RHOBTB3: variants seen among roughly 807,000 people sequenced by gnomAD.
RHOBTB3 encodes Rho related BTB domain containing 3, also known as rho-related BTB domain-containing protein 3.
Under a neutral mutation model 67.2 loss-of-function variants are expected in RHOBTB3, and 47 were observed. The observed-to-expected ratio is 0.70, with a 90% CI of 0.55 to 0.89. The LOEUF is 0.89. Among genes scored for constraint, RHOBTB3 ranks in the 40% least tolerant of loss-of-function variants. The pLI is 0.00. For missense variants in RHOBTB3, 631 were observed against 750.0 expected, an observed-to-expected ratio of 0.84 and a Z score of 1.85; for synonymous variants, 273 against 274.2, an observed-to-expected ratio of 1.00 and a Z score of 0.04.
In RHOBTB3 at chr5:95,752,238, G is replaced by A. The variant is rs1745111715; in HGVS notation, c.571-1G>A. On this transcript the variant is annotated splice_acceptor_variant, in intron 4 of 11. Coordinates refer to ENST00000379982, the MANE Select transcript of RHOBTB3 (RefSeq NM_014899.4). LOFTEE classifies it high-confidence loss of function. The stretch of plus-strand genomic sequence containing the variant: ...CAATTAAAATTTGATTCCTGTTTTA[G>A]TTGGAGTATTTTATGATTCAAGCCT... 6.6e-7 allele frequency: 1 copy of A among 1,516,394 alleles called. No homozygotes were observed. Among genetic ancestry groups the A allele is most frequent in the Non-Finnish European group, 9.0e-7 (1 of 1,108,412 alleles). The allele number at this position is 1,516,394 out of a possible 1,614,324, so 93.9% of individuals were successfully genotyped here. A position where few individuals can be genotyped will look rare whatever the true frequency, so the allele number is the denominator to read the frequency against.
At chr5:95,789,700 G>GA (rs1746320399) in intron 11 of RHOBTB3, 1 of 152,144 alleles carries the variant, frequency 6.6e-6, no homozygotes. Flanking sequence ...AGGAGAGAGA[G>GA]AGGGAGTAAG....
intron 8 of RHOBTB3, among the ~76,000 whole-genome samples, chr5:95,768,420 G>A (rs887289786): frequency 3.3e-5 from 5 of 152,102 alleles, no homozygotes; most frequent in Non-Finnish European, 7.4e-5. Flanking sequence ...TTAGGGCCTA[G>A]CAAGGGATGG....
chr5:95,793,261 A>T lies in RHOBTB3; in HGVS notation c.*87A>T, dbSNP rs1746473178. On this transcript the variant is annotated 3_prime_UTR_variant, in exon 12 of 12. Coordinates refer to ENST00000379982, the MANE Select transcript of RHOBTB3 (RefSeq NM_014899.4). ...TTCCAGTAAAATTCTTCTGACCGAA[A>T]CCAATGTGGGTGTTAGAAAAATTAC... The T allele has an allele frequency of 2.4e-6, 2 of 820,542 alleles. No homozygotes were observed. The highest frequency in any genetic ancestry group is 2.7e-5 in the Admixed American group (1 of 36,992). The allele number at this position is 820,542 out of a possible 1,614,324, so 50.8% of individuals were successfully genotyped here.
chr5:95,792,449 G>GA (rs566135868), intron 11 of RHOBTB3, among the ~76,000 whole-genome samples: 93 of 142,706 alleles, frequency 6.5e-4, no homozygotes, highest in African/African-American at 1.1e-3. Flanking sequence ...ATTATAAATG[G>GA]AAAAAAAAAA....
intron 1 of RHOBTB3, among the ~76,000 whole-genome samples, chr5:95,720,907 T>C (rs2112745826): frequency 6.6e-6 from 1 of 152,356 alleles, no homozygotes; most frequent in East Asian, 1.9e-4. Context: ...TTTGTTGCCA[T>C]ATTTTACCGA....
At chr5:95,752,821 G>T (rs1021212211) in intron 5 of RHOBTB3, among the ~76,000 whole-genome samples, 14 of 152,122 alleles carry the variant, frequency 9.2e-5, no homozygotes, top group Non-Finnish European at 4.4e-5. Context: ...GAATGTTCCT[G>T]TTCCCAGGAG....
intron 1 of RHOBTB3, among the ~76,000 whole-genome samples, chr5:95,721,213 G>A (rs1319530019): frequency 6.6e-6 from 1 of 152,186 alleles, no homozygotes; most frequent in Non-Finnish European, 1.5e-5. Context: ...CTTTTTTCAG[G>A]TATCTCTAAC....
chr5:95,746,350 A>G (rs1416063448), intron 3 of RHOBTB3, among the ~76,000 whole-genome samples: 1 of 152,074 alleles, frequency 6.6e-6, no homozygotes, highest in African/African-American at 2.4e-5. Flanking sequence ...TGATCTGGCT[A>G]CCCACTCCAT....
At chr5:95,718,609 G>A (rs1183664779) in intron 1 of RHOBTB3, among the ~76,000 whole-genome samples, 1 of 152,202 alleles carries the variant, frequency 6.6e-6, no homozygotes, top group Admixed American at 6.5e-5. Flanking sequence ...ATTGAAGTTG[G>A]AGGCCATGAA....
chr5:95,777,581 A>G (rs1745926321), intron 8 of RHOBTB3, among the ~76,000 whole-genome samples: 1 of 152,230 alleles, frequency 6.6e-6, no homozygotes, highest in Non-Finnish European at 1.5e-5. Flanking sequence ...CTTTACCTGT[A>G]TCCTATTGCC....
In RHOBTB3 at chr5:95,739,320, G is replaced by T. The variant is rs552895596; in HGVS notation, c.415+2245G>T. 4.1e-4 allele frequency among the ~76,000 whole-genome samples: 62 copies of T among 152,114 alleles called. 1 individual carries two copies. Among genetic ancestry groups the T allele is most frequent in the African/African-American group, 1.4e-3 (60 of 41,494 alleles). On this transcript the variant is annotated intron_variant, in intron 3 of 11. Coordinates refer to ENST00000379982, the MANE Select transcript of RHOBTB3 (RefSeq NM_014899.4). The stretch of plus-strand genomic sequence containing the variant: ...TTTCTCTTCATCTCCATTGGATTTC[G>T]CATTCTAGTCATTTAGTTATTTGTC...
In RHOBTB3 at chr5:95,748,348, C is replaced by A. The variant is rs200242583; in HGVS notation, c.431C>A (p.Thr144Lys). The A allele has an allele frequency of 6.7e-5, 107 of 1,605,336 alleles. No homozygotes were observed. In the Middle Eastern group the frequency reaches 1.5e-3, roughly 22 times the overall value. ...GTRQNEELPC[T>K]CPLCTSDRGS... Reference sequence around the variant, plus strand: ...GTTTTCTCAGAAGAGTTACCTTGTACATGCCCACTATGTACCTCAGACAGA... The same window carrying A: ...GTTTTCTCAGAAGAGTTACCTTGTAAATGCCCACTATGTACCTCAGACAGA... Residue 144 changes from threonine (T) to lysine (K), a missense_variant, in exon 4 of 12, where the codon ACA becomes AAA. Transcript: ENST00000379982.
At chr5:95,740,834 T>C (rs1755574707) in intron 3 of RHOBTB3, among the ~76,000 whole-genome samples, 1 of 152,132 alleles carries the variant, frequency 6.6e-6, no homozygotes, top group Admixed American at 6.5e-5. Context: ...AATAAGACAT[T>C]GAACCCTAGA....
intron 8 of RHOBTB3, among the ~76,000 whole-genome samples, chr5:95,772,602 T>TTG (rs1745749544): frequency 6.6e-6 from 1 of 152,186 alleles, no homozygotes; most frequent in Non-Finnish European, 1.5e-5. Flanking sequence ...ATCTCATTCT[T>TTG]TGTGTGTGTG....
At position 95,747,812 on chromosome 5, in the gene RHOBTB3, A is replaced by G. The variant is rs563911782; in HGVS notation, c.416-521A>G. Reference sequence around the variant, plus strand: ...CTGAATTAATAGGAATGTACTTCCTATGAAGTTTACAAAGAGAGTGACAAT... The same window carrying G: ...CTGAATTAATAGGAATGTACTTCCTGTGAAGTTTACAAAGAGAGTGACAAT... On this transcript the variant is annotated intron_variant, in intron 3 of 11. Transcript: ENST00000379982. Among the ~76,000 whole-genome samples, 7 of 152,372 alleles carry G rather than the reference A, an allele frequency of 4.6e-5. No individual in the cohort carries two copies. The East Asian group carries it at 1.2e-3, about 25-fold the overall frequency.
At chr5:95,732,132 TC>T in intron 2 of RHOBTB3, 48 bp downstream of exon 2, 3 of 1,553,404 alleles carry the variant, frequency 1.9e-6, no homozygotes, top group Non-Finnish European at 2.7e-6. Context: ...AGCTTTTCTT[TC>T]CTTTTTTTTC....
At chr5:95,787,245 T>C (rs1746248971) in intron 10 of RHOBTB3, among the ~76,000 whole-genome samples, 1 of 152,196 alleles carries the variant, frequency 6.6e-6, no homozygotes, top group East Asian at 1.9e-4. Context: ...AGTGGTGGCT[T>C]CTCTAAAAAG....
In RHOBTB3 at chr5:95,767,745, T is replaced by C. The variant is rs1745590683; in HGVS notation, c.1162-301T>C. 3 of 686,540 alleles carry C rather than the reference T, an allele frequency of 4.4e-6. No individual in the cohort carries two copies. The Admixed American group carries it at 6.1e-5, about 14-fold the overall frequency. The allele number at this position is 686,540 out of a possible 1,614,324, so 42.5% of individuals were successfully genotyped here. ...TATGGAGTTGGACTACTGTTGTCTG[T>C]TTCTCAACAAAGACTCATAGGGTTT... On this transcript the variant is annotated intron_variant, in intron 7 of 11. Transcript: ENST00000379982.
chr5:95,757,864 A>G (rs1745293746), intron 6 of RHOBTB3, among the ~76,000 whole-genome samples: 1 of 152,226 alleles, frequency 6.6e-6, no homozygotes. Flanking sequence ...AAGCCAAACT[A>G]TTTAAAGACT....
Sources: gnomAD v4.1 joint callset for allele counts (sites outside exome capture counted in the v4.1 genomes callset) on GRCh38, gnomAD v4.1.1 for gene constraint, MANE v1.5 for transcripts, NCBI Gene and HGNC (gene_info 2026-07-23, HGNC 2026-07-21) for gene names.